Variants in WWC2 observed in about 807,000 individuals in gnomAD.
The protein encoded by WWC2 is protein WWC2.
A neutral mutation model predicts 138.5 loss-of-function variants in WWC2; 101 were observed. That is an observed-to-expected ratio of 0.73 (90% CI 0.62 to 0.86). WWC2 has a LOEUF of 0.86. Among genes scored for constraint, WWC2 ranks in the 40% least tolerant of loss-of-function variants. The pLI is 0.00. For missense variants in WWC2, 1,420 were observed against 1,419.4 expected (o/e 1.00, Z -0.01); for synonymous variants, 558 against 538.4 (o/e 1.04, Z -0.50).
At chr4:183,206,252 T>G (rs1580056743) in intron 2 of WWC2, among the ~76,000 whole-genome samples, 1 of 152,210 alleles carries the variant, frequency 6.6e-6, no homozygotes, top group East Asian at 1.9e-4. Context: ...GGCCCTGTTA[T>G]TCCACCATGG....
chr4:183,256,566 G>A (rs1737149438), intron 9 of WWC2, among the ~76,000 whole-genome samples: 1 of 152,140 alleles, frequency 6.6e-6, no homozygotes, highest in African/African-American at 2.4e-5. Context: ...GAACGCCCTT[G>A]CCAGCAGTGT....
rs549552317 is a variant in WWC2 at position 183,265,200 on chromosome 4, C to T, written c.2039+93C>T. 559 of 1,442,204 alleles carry T rather than the reference C, an allele frequency of 3.9e-4. 6 individuals are homozygous for T. The South Asian group carries it at 8.5e-3, about 22-fold the overall frequency. 89.3% of individuals were successfully genotyped at this position (1,442,204 alleles called of 1,614,324 possible). A position where few individuals can be genotyped will look rare whatever the true frequency, so the allele number is the denominator to read the frequency against. On this transcript the variant is annotated intron_variant, in intron 12 of 22. Transcript: ENST00000403733. ...TGTAAATGGACTGCTACCATTAGTC[C>T]GCTCTTTGGCTTAGTAAGGACTTTA...
chr4:183,099,432 C>T lies in WWC2; in HGVS notation c.-60C>T. 1 of 1,196,468 alleles carries T rather than the reference C, an allele frequency of 8.4e-7. No individual in the cohort carries two copies. The allele number at this position is 1,196,468 out of a possible 1,614,324, so 74.1% of individuals were successfully genotyped here. On this transcript the variant is annotated 5_prime_UTR_variant, in exon 1 of 23. Coordinates refer to ENST00000403733, the MANE Select transcript of WWC2 (RefSeq NM_024949.6). ...GGCAGCCTAGCCCGGCAGCCGCGTT[C>T]CCGCCGCGTCCCGCGCCCGGTACCT...
At chr4:183,263,730 A>C (rs1394468752) in intron 11 of WWC2, among the ~76,000 whole-genome samples, 6 of 152,220 alleles carry the variant, frequency 3.9e-5, no homozygotes, top group African/African-American at 1.4e-4. Flanking sequence ...ACTGCACTCC[A>C]GCCTAGGTGA....
chr4:183,151,399 T>C (rs1232001020), intron 1 of WWC2, among the ~76,000 whole-genome samples: 2 of 152,258 alleles, frequency 1.3e-5, no homozygotes, highest in Non-Finnish European at 2.9e-5. Flanking sequence ...TGATTTTTTC[T>C]TGTAAATTTG....
chr4:183,216,556 A>T (rs1360424829), intron 4 of WWC2, among the ~76,000 whole-genome samples: 3 of 152,226 alleles, frequency 2.0e-5, no homozygotes, highest in African/African-American at 7.2e-5. Context: ...AGAGAACTGG[A>T]CAAAAATCTA....
intron 22 of WWC2, among the ~76,000 whole-genome samples, chr4:183,314,750 A>G (rs1176280293): frequency 5.9e-5 from 9 of 152,216 alleles, no homozygotes; most frequent in Non-Finnish European, 1.5e-5. Context: ...TCACACCTAC[A>G]CTCGTGGCAT....
Position 183,099,582 on chromosome 4 carries a change from CACA to C in WWC2, c.95_97del (p.Asn32del). On this transcript the variant is annotated inframe_deletion, in exon 1 of 23. Coordinates refer to ENST00000403733, the MANE Select transcript of WWC2 (RefSeq NM_024949.6). ...CGACGGCAAGGTCTTCTACATTGAC[CACA>C]ACACCAGGAGGACCAGCTGGATCGA... 1 of 1,406,788 alleles carries C rather than the reference CACA, an allele frequency of 7.1e-7. No homozygotes were observed. Among genetic ancestry groups the C allele is most frequent in the Non-Finnish European group, 9.4e-7 (1 of 1,063,490 alleles). 87.1% of individuals were successfully genotyped at this position (1,406,788 alleles called of 1,614,324 possible). A position where few individuals can be genotyped will look rare whatever the true frequency, so the allele number is the denominator to read the frequency against.
chr4:183,284,594 C>T (rs1738185735), intron 19 of WWC2, among the ~76,000 whole-genome samples: 1 of 152,196 alleles, frequency 6.6e-6, no homozygotes, highest in African/African-American at 2.4e-5. Context: ...TTTAATGCCT[C>T]CTTGGTTCCA....
chr4:183,245,679 T>C, intron 6 of WWC2, 134 bp downstream of exon 6: 1 of 950,022 alleles, frequency 1.1e-6, no homozygotes, highest in Non-Finnish European at 1.4e-6. Flanking sequence ...GAATGGGCCC[T>C]GTGGAGATTG....
chr4:183,188,265 G>T (rs574735358), intron 1 of WWC2, among the ~76,000 whole-genome samples: 2 of 152,216 alleles, frequency 1.3e-5, no homozygotes, highest in African/African-American at 2.4e-5. Context: ...TTGAGACAGA[G>T]TCTCGCTGTG....
chr4:183,164,292 A>ATACATATATATAT (rs1561443629), intron 1 of WWC2, among the ~76,000 whole-genome samples: 10 of 296 alleles, frequency 0.034, no homozygotes, highest in African/African-American at 0.056. Context: ...ATATATATAT[A>ATACATATATATAT]TATATATACA....
chr4:183,306,224 AAAC>A (rs779948753), intron 21 of WWC2, among the ~76,000 whole-genome samples: 6 of 152,224 alleles, frequency 3.9e-5, no homozygotes, highest in Admixed American at 6.5e-5. Context: ...ACATAGGAAC[AAAC>A]AACAAGGGCA....
intron 1 of WWC2, among the ~76,000 whole-genome samples, chr4:183,127,567 T>C (rs139218671): frequency 6.6e-6 from 1 of 152,258 alleles, no homozygotes; most frequent in Non-Finnish European, 1.5e-5. Flanking sequence ...AGACCTAATA[T>C]ACAACATGAG....
chr4:183,205,175 C>T (rs925301110), intron 2 of WWC2, among the ~76,000 whole-genome samples: 3 of 152,154 alleles, frequency 2.0e-5, no homozygotes, highest in African/African-American at 4.8e-5. Flanking sequence ...TTTAGATTCC[C>T]GGTAGCAATG....
intron 1 of WWC2, among the ~76,000 whole-genome samples, chr4:183,148,206 A>G (rs749723743): frequency 6.6e-6 from 1 of 152,220 alleles, no homozygotes; most frequent in Non-Finnish European, 1.5e-5. Flanking sequence ...TTTTTGGGAT[A>G]TAAAGTACTA....
At chr4:183,278,192 A>G (rs903668087) in intron 16 of WWC2, among the ~76,000 whole-genome samples, 9 of 151,782 alleles carry the variant, frequency 5.9e-5, no homozygotes, top group African/African-American at 1.2e-4. Context: ...AGCTTTCTCC[A>G]TATGGCTAGC....
chr4:183,253,987 C>T lies in WWC2; in HGVS notation c.1184C>T (p.Ala395Val), dbSNP rs1737061752. 4 of 1,613,204 alleles carry T rather than the reference C, an allele frequency of 2.5e-6. No homozygotes were observed. The African/African-American group carries it at 4.0e-5, about 16-fold the overall frequency. ...LLSVRGTPSR[A>V]LAERLRLEER... ...TCTGTGAGGGGAACACCAAGCAGAG[C>T]TCTGGCCGAGAGGTTTGTTTTCCTT... The change falls in exon 9 of 23, where the codon GCT (alanine) becomes GTT (valine). Residue 395 changes from alanine (A) to valine (V), a missense_variant. By Grantham distance (64) the Ala-to-Val change is moderately conservative. Transcript: ENST00000403733.
At chr4:183,197,017 G>A (rs1735164462) in intron 2 of WWC2, among the ~76,000 whole-genome samples, 1 of 152,104 alleles carries the variant, frequency 6.6e-6, no homozygotes, top group Non-Finnish European at 1.5e-5. Flanking sequence ...CATCTTTTAT[G>A]TTTTCATCGC....
Sources: gnomAD v4.1 joint callset for allele counts (sites outside exome capture counted in the v4.1 genomes callset) on GRCh38, gnomAD v4.1.1 for gene constraint, MANE v1.5 for transcripts, NCBI Gene and HGNC (gene_info 2026-07-23, HGNC 2026-07-21) for gene names.